The following PRPF8 variants were observed in gnomAD, a reference collection of about 807,000 sequenced individuals.
The protein encoded by PRPF8 is pre-mRNA-processing-splicing factor 8.
PRPF8 carries 64 observed loss-of-function variants against 285.9 expected under a neutral mutation model. The observed-to-expected ratio is 0.22, with a 90% CI of 0.18 to 0.28. The LOEUF (loss-of-function observed/expected upper bound fraction) is 0.28, where lower values mean the gene tolerates loss of function less well. PRPF8 is among the 10% of genes least tolerant of loss of function. PRPF8 has a pLI of 1.00. For missense variants in PRPF8, 1,426 were observed against 3,026.7 expected, an observed-to-expected ratio of 0.47 and a Z score of 12.41; for synonymous variants, 1,325 against 1,118.2, an observed-to-expected ratio of 1.18 and a Z score of -3.69.
In PRPF8 at chr17:1,663,710, C is replaced by CAAAAAA. The variant is rs58454297; in HGVS notation, c.3775-1563_3775-1558dup. Among the ~76,000 whole-genome samples the CAAAAAA allele has an allele frequency of 1.3e-3, 23 of 17,108 alleles. 2 individuals carry two copies. The highest frequency in any genetic ancestry group is 2.1e-3 in the African/African-American group (12 of 5,816). The allele number at this position is 17,108 out of a possible 152,430, so 11.2% of individuals were successfully genotyped here. The stretch of plus-strand genomic sequence containing the variant: ...GGCAACCAAGGAAGAGACTCCATCT[C>CAAAAAA]AAAAAAAAAAAAAAAAAAAAAAAAA... On this transcript the variant is annotated intron_variant, in intron 24 of 42. Transcript: ENST00000304992.
At chr17:1,672,303 G>C (rs1034933651) in intron 24 of PRPF8, among the ~76,000 whole-genome samples, 1 of 152,172 alleles carries the variant, frequency 6.6e-6, no homozygotes, top group African/African-American at 2.4e-5. Flanking sequence ...TTTTGAGATA[G>C]AGTTTTTGCT....
chr17:1,668,343 G>C (rs1413753725), intron 24 of PRPF8, among the ~76,000 whole-genome samples: 2 of 150,822 alleles, frequency 1.3e-5, no homozygotes, highest in African/African-American at 4.9e-5. Context: ...ATCTCAATGG[G>C]GTCTAGCATT....
chr17:1,654,166 G>A (rs975387640), intron 37 of PRPF8, 150 bp from the exon 38 acceptor site: 13 of 1,158,958 alleles, frequency 1.1e-5, no homozygotes, highest in South Asian at 3.7e-5. Flanking sequence ...AGTGTGAAAC[G>A]GAGGTGCACT....
chr17:1,676,386 G>A lies in PRPF8; in HGVS notation c.2389-16C>T, dbSNP rs1276340097. ...AAGGCCCGTCCTGTAAGGTGGACATGAAATTAGCCTCCCGCTACAGCCCGA... is the reference window on the plus strand; with the variant it reads ...AAGGCCCGTCCTGTAAGGTGGACATAAAATTAGCCTCCCGCTACAGCCCGA... On this transcript the variant is annotated splice_polypyrimidine_tract_variant and intron_variant, in intron 16 of 42. Coordinates refer to ENST00000304992, the MANE Select transcript of PRPF8 (RefSeq NM_006445.4). This position sits in a 1 kb window ranked among gnomAD's most constrained non-coding sequence, Gnocchi z 6.3. 2 of 1,614,116 alleles carry A rather than the reference G, an allele frequency of 1.2e-6. No individual in the cohort carries two copies. Among genetic ancestry groups the A allele is most frequent in the Non-Finnish European group, 1.7e-6 (2 of 1,180,022 alleles).
At position 1,668,354 on chromosome 17, in the gene PRPF8, C is replaced by CTTT. The variant is rs970795981; in HGVS notation, c.3774+4724_3774+4726dup. Among the ~76,000 whole-genome samples, 636 of 105,522 alleles carry CTTT rather than the reference C, an allele frequency of 6.0e-3. 7 individuals carry two copies. The highest frequency in any genetic ancestry group is 8.4e-3 in the African/African-American group (248 of 29,426). 69.2% of individuals were successfully genotyped at this position (105,522 alleles called of 152,430 possible). ...CAGTATCTCAATGGGGTCTAGCATT[C>CTTT]TTTTTTTTTTTTTTTTTTTTTTTTT... On this transcript the variant is annotated intron_variant, in intron 24 of 42. Transcript: ENST00000304992.
At chr17:1,670,379 C>CT (rs1373299653) in intron 24 of PRPF8, among the ~76,000 whole-genome samples, 13 of 152,332 alleles carry the variant, frequency 8.5e-5, no homozygotes, top group Middle Eastern at 3.4e-3. Context: ...TTTGACTTTT[C>CT]TTTGAGCATC....
chr17:1,655,983 C>A (rs1426060367), intron 36 of PRPF8, among the ~76,000 whole-genome samples: 1 of 144,740 alleles, frequency 6.9e-6, no homozygotes, highest in African/African-American at 2.6e-5. Context: ...TGCAATGGTG[C>A]CATCTCGGCT....
Position 1,661,066 on chromosome 17 carries a change from C to T in PRPF8, c.4435G>A (p.Gly1479Ser), listed in dbSNP as rs1424685508. The change falls in exon 28 of 43, where the codon GGC (glycine) becomes AGC (serine). Residue 1479 changes from glycine (G) to serine (S), a missense_variant. Transcript: ENST00000304992. This position sits in a 1 kb window ranked among gnomAD's most constrained non-coding sequence, Gnocchi z 7.3. Reference protein sequence around the residue: ...NYRTDMIQALGGVEGILEHTL... With the variant: ...NYRTDMIQALSGVEGILEHTL... ...TGTTCCAGAATGCCTTCCACACCGC[C>T]CAGGGCCTGGATCATGTCTGTACGG... 2 of 1,614,062 alleles carry T rather than the reference C, an allele frequency of 1.2e-6. No individual in the cohort carries two copies. Among genetic ancestry groups the T allele is most frequent in the Non-Finnish European group, 1.7e-6 (2 of 1,180,044 alleles).
At position 1,655,308 on chromosome 17, in the gene PRPF8, G is replaced by A. The variant is rs370815394; in HGVS notation, c.5987+42C>T. ...TGCTTCCAAAAAACCCCAGAAAACC[G>A]TATATAGACCTCCTGTCTGTGTCCC... On this transcript the variant is annotated intron_variant, in intron 37 of 42. Transcript: ENST00000304992. 1.7e-5 allele frequency: 28 copies of A among 1,608,134 alleles called. No individual in the cohort carries two copies. In the Admixed American group the frequency reaches 2.0e-4, roughly 12 times the overall value.
At chr17:1,672,719 T>C (rs777936621) in intron 24 of PRPF8, among the ~76,000 whole-genome samples, 1 of 152,060 alleles carries the variant, frequency 6.6e-6, no homozygotes, top group Non-Finnish European at 1.5e-5. Flanking sequence ...GAGATGCCTA[T>C]GAGGGCTGCT....
intron 21 of PRPF8, 123 bp downstream of exon 21, chr17:1,674,319 G>T (rs939345861): frequency 4.8e-6 from 5 of 1,047,446 alleles, no homozygotes; most frequent in Non-Finnish European, 7.5e-6. Flanking sequence ...ACCGCACCCG[G>T]CCGCTTCATT....
In PRPF8 at chr17:1,661,168, T is replaced by C. The variant is rs374808066; in HGVS notation, c.4339-6A>G. On this transcript the variant is annotated splice_polypyrimidine_tract_variant and splice_region_variant and intron_variant, in intron 27 of 42. Transcript: ENST00000304992. This position sits in a 1 kb window ranked among gnomAD's most constrained non-coding sequence, Gnocchi z 7.3. ...AACGGATTCTGCTTCAAAACCTAGA[T>C]GGCAAGGCAGGCACGGTCAAGCTTC... 6 of 1,614,030 alleles carry C rather than the reference T, an allele frequency of 3.7e-6. No individual in the cohort carries two copies. The African/African-American group carries it at 5.3e-5, about 14-fold the overall frequency.
At chr17:1,655,296 C>T (rs1911305848) in intron 37 of PRPF8, 54 bp downstream of exon 37, 24 of 1,601,728 alleles carry the variant, frequency 1.5e-5, no homozygotes, top group Non-Finnish European at 2.0e-5. Context: ...TTCCAAAAAA[C>T]CCCAGAAAAC....
rs761711970 is a variant in PRPF8, at chr17:1,683,719, T to C, written c.101-18A>G. 8.6e-5 allele frequency: 138 copies of C among 1,613,114 alleles called. No homozygotes were observed. The Admixed American group carries it at 2.3e-3, about 27-fold the overall frequency. On this transcript the variant is annotated intron_variant, in intron 2 of 42. Transcript: ENST00000304992. ...TTTTCGAGCTGGAAAGGCACCTCAG[T>C]TTAAAGGCCTGCACACCCTCCCCCT...
rs778164543 is a variant in PRPF8 at position 1,674,682 on chromosome 17, TAGAA to T, written c.3061-6_3061-3del. 3.1e-6 allele frequency: 5 copies of T among 1,612,368 alleles called. No individual in the cohort carries two copies. The highest frequency in any genetic ancestry group is 2.2e-5 in the East Asian group (1 of 44,880). On this transcript the variant is annotated splice_polypyrimidine_tract_variant and splice_region_variant and intron_variant, in intron 20 of 42. Transcript: ENST00000304992. The stretch of plus-strand genomic sequence containing the variant: ...ATATGAATTCGTATGGTTCATGTCC[TAGAA>T]AGAAAGAACTACAATTCTTAAGAAT...
Position 1,650,642 on chromosome 17 carries a change from A to C in PRPF8, c.*160T>G. The C allele has an allele frequency of 1.2e-6, 1 of 826,404 alleles. No individual in the cohort carries two copies. Among genetic ancestry groups the C allele is most frequent in the Non-Finnish European group, 1.9e-6 (1 of 536,094 alleles). 51.2% of individuals were successfully genotyped at this position (826,404 alleles called of 1,614,324 possible). A position where few individuals can be genotyped will look rare whatever the true frequency, so the allele number is the denominator to read the frequency against. On this transcript the variant is annotated 3_prime_UTR_variant, in exon 43 of 43. Transcript: ENST00000304992. The stretch of plus-strand genomic sequence containing the variant: ...CAGCCCCTGAACTCCTATTTATACA[A>C]AATTTATTATTATATTTTATTCAGG...
At position 1,683,286 on chromosome 17, in the gene PRPF8, C is replaced by T. The variant is rs944074134; in HGVS notation, c.269+247G>A. ...CTGGGATTACAGGCATGAGCCACCG[C>T]GCCTGGCCAGGGACATCTTATAATA... On this transcript the variant is annotated intron_variant, in intron 3 of 42. Transcript: ENST00000304992. 18 of 553,040 alleles carry T rather than the reference C, an allele frequency of 3.3e-5. No individual in the cohort carries two copies. In the East Asian group the frequency reaches 4.0e-4, roughly 12 times the overall value. The allele number at this position is 553,040 out of a possible 1,614,324, so 34.3% of individuals were successfully genotyped here. A position where few individuals can be genotyped will look rare whatever the true frequency, so the allele number is the denominator to read the frequency against.
At position 1,681,030 on chromosome 17, in the gene PRPF8, A is replaced by G. The variant is rs7503397; in HGVS notation, c.891T>C (p.Asn297=). 0.22 allele frequency: 349,521 copies of G among 1,612,866 alleles called. 44,567 individuals are homozygous for G. The highest frequency in any genetic ancestry group is 0.58 in the African/African-American group (43,169 of 74,804). ...NLQDEDWNEF[N]DINKIIIRQP... ...GCCGGATGATAATCTTGTTAATATC[A>G]TTGAATTCATTCCAGTCTTCATCCC... Residue 297 remains asparagine (N), a synonymous_variant, in exon 7 of 43, where the codon AAT becomes AAC. Transcript: ENST00000304992.
intron 24 of PRPF8, among the ~76,000 whole-genome samples, chr17:1,668,455 A>G (rs1275501785): frequency 4.3e-5 from 6 of 138,922 alleles, no homozygotes; most frequent in East Asian, 2.1e-4. Flanking sequence ...TCTGCCTCCC[A>G]GGTTCCTGCC....
Sources: allele counts gnomAD v4.1 joint callset (sites outside exome capture counted in the v4.1 genomes callset), GRCh38; gene constraint gnomAD v4.1.1; non-coding constraint Gnocchi (gnomAD v3.1); transcripts MANE v1.5; gene names NCBI Gene and HGNC (gene_info 2026-07-23, HGNC 2026-07-21).